The following NSMCE1 variants were observed in gnomAD, a reference collection of about 807,000 sequenced individuals.
NSMCE1 encodes NSE1 component of SMC5/6 complex.
A neutral mutation model predicts 29.6 loss-of-function variants in NSMCE1; 18 were observed. The ratio of observed to expected loss-of-function variants is 0.61; its 90% CI spans 0.42 to 0.90. The LOEUF (loss-of-function observed/expected upper bound fraction) is 0.90, where lower values mean the gene tolerates loss of function less well. Ranked by LOEUF, NSMCE1 falls within the 40% of genes least tolerant of loss-of-function variation. NSMCE1 has a pLI of 0.00. For synonymous variants in NSMCE1, 124 were observed against 133.4 expected (o/e 0.93, Z 0.49); for missense variants, 314 against 343.6 (o/e 0.91, Z 0.68).
intron 5 of NSMCE1, among the ~76,000 whole-genome samples, chr16:27,231,317 A>C (rs1370444710): frequency 4.6e-5 from 7 of 152,222 alleles, no homozygotes; most frequent in African/African-American, 1.7e-4. Flanking sequence ...CCAGCCATGA[A>C]GAGGTCATAA....
chr16:27,231,090 C>T (rs2083757858), intron 5 of NSMCE1, among the ~76,000 whole-genome samples: 1 of 152,254 alleles, frequency 6.6e-6, no homozygotes, highest in Admixed American at 6.5e-5. Flanking sequence ...TGTTGGGGCA[C>T]TCGGCTCTAG....
chr16:27,237,522 C>A (rs2083839235), intron 2 of NSMCE1, among the ~76,000 whole-genome samples: 1 of 152,210 alleles, frequency 6.6e-6, no homozygotes, highest in Non-Finnish European at 1.5e-5. Flanking sequence ...CCAAGGGGAG[C>A]CAACGCTGGG....
At chr16:27,241,213 A>C (rs948966337) in intron 2 of NSMCE1, 2 of 152,244 alleles carry the variant, frequency 1.3e-5, no homozygotes, top group African/African-American at 2.4e-5. Flanking sequence ...GAAATTGGGA[A>C]GTCTACTGCC....
chr16:27,258,930 T>C (rs1339245297), intron 1 of NSMCE1, among the ~76,000 whole-genome samples: 1 of 151,970 alleles, frequency 6.6e-6, no homozygotes, highest in Non-Finnish European at 1.5e-5. Context: ...TTCGTATTTT[T>C]AGTAGAGACG....
chr16:27,228,876 G>A (rs1373425903), intron 5 of NSMCE1, among the ~76,000 whole-genome samples: 29 of 73,912 alleles, frequency 3.9e-4, no homozygotes, highest in Non-Finnish European at 6.9e-4. Context: ...CCCGGCCACC[G>A]CCCTCTTCCA....
Position 27,268,747 on chromosome 16 carries a change from G to A in NSMCE1, c.-53C>T, listed in dbSNP as rs1218807196. 1 of 152,844 alleles carries A rather than the reference G, an allele frequency of 6.5e-6. No individual in the cohort carries two copies. Among genetic ancestry groups the A allele is most frequent in the Non-Finnish European group, 1.5e-5 (1 of 68,128 alleles). The allele number at this position is 152,844 out of a possible 1,614,324, so 9.5% of individuals were successfully genotyped here. A position where few individuals can be genotyped will look rare whatever the true frequency, so the allele number is the denominator to read the frequency against. On this transcript the variant is annotated 5_prime_UTR_variant, in exon 1 of 8. Transcript: ENST00000361439. ...ATCCCAGGCCGCGCTAGCGGATACG[G>A]TCGCAAGGTGGACTCTTCTTCCTTT...
chr16:27,240,590 G>A (rs1258110352), intron 2 of NSMCE1, among the ~76,000 whole-genome samples: 8 of 152,166 alleles, frequency 5.3e-5, no homozygotes, highest in South Asian at 2.1e-4. Flanking sequence ...ACCCTGGAGC[G>A]AACAGAGCCA....
chr16:27,225,712 C>G lies in NSMCE1; in HGVS notation c.721+14G>C, dbSNP rs753239544. On this transcript the variant is annotated intron_variant, in intron 7 of 7. Coordinates refer to ENST00000361439, the MANE Select transcript of NSMCE1 (RefSeq NM_145080.4). The stretch of plus-strand genomic sequence containing the variant: ...GGCCCAGCCCCTCCCATGAGCTCCT[C>G]AGGGCCCACGCACTTGGGATCTCGT... The G allele has an allele frequency of 6.2e-6, 10 of 1,613,980 alleles. No individual in the cohort carries two copies. Among genetic ancestry groups the G allele is most frequent in the Non-Finnish European group, 8.5e-6 (10 of 1,179,980 alleles).
chr16:27,237,102 T>G (rs2083834004), intron 2 of NSMCE1, among the ~76,000 whole-genome samples: 1 of 152,226 alleles, frequency 6.6e-6, no homozygotes, highest in Non-Finnish European at 1.5e-5. Context: ...GCAGTGACAC[T>G]AATGTGCCAT....
At chr16:27,263,051 T>A (rs1450752988) in intron 1 of NSMCE1, among the ~76,000 whole-genome samples, 1 of 152,172 alleles carries the variant, frequency 6.6e-6, no homozygotes, top group Non-Finnish European at 1.5e-5. Context: ...AAATAACAGA[T>A]GCTGGCAAGG....
chr16:27,226,538 C>T (rs968682714), intron 6 of NSMCE1, 182 bp downstream of exon 6: 11 of 561,118 alleles, frequency 2.0e-5, no homozygotes, highest in African/African-American at 1.1e-4. Context: ...TGCGTCCCTG[C>T]GGGGCACAGC....
chr16:27,232,981 G>T lies in NSMCE1; in HGVS notation c.483+20C>A. ...TCACTTGAAAAAGTGAACCAGGCTG[G>T]AAAAACCATGAGACAGTACCTCAAT... is the stretch of plus-strand genomic sequence containing the variant. On this transcript the variant is annotated intron_variant, in intron 5 of 7. Coordinates refer to ENST00000361439, the MANE Select transcript of NSMCE1 (RefSeq NM_145080.4). This position sits in a 1 kb window ranked among gnomAD's most constrained non-coding sequence, Gnocchi z 4.5. 1 of 1,605,896 alleles carries T rather than the reference G, an allele frequency of 6.2e-7. No homozygotes were observed. Among genetic ancestry groups the T allele is most frequent in the Middle Eastern group, 1.7e-4 (1 of 6,026 alleles).
intron 1 of NSMCE1, among the ~76,000 whole-genome samples, chr16:27,264,902 C>T (rs919627279): frequency 5.3e-5 from 8 of 152,016 alleles, no homozygotes; most frequent in Admixed American, 5.2e-4. Flanking sequence ...CATATTCAGA[C>T]TATATAAGGA....
intron 1 of NSMCE1, among the ~76,000 whole-genome samples, chr16:27,261,082 G>A (rs773419359): frequency 2.5e-4 from 38 of 149,350 alleles, no homozygotes; most frequent in African/African-American, 7.4e-4. Flanking sequence ...CATGAGAATC[G>A]CTGGAACATG....
intron 2 of NSMCE1, among the ~76,000 whole-genome samples, chr16:27,236,267 G>A (rs541047584): frequency 1.1e-4 from 16 of 151,076 alleles, no homozygotes; most frequent in African/African-American, 2.4e-4. Context: ...CATGGCCAGC[G>A]TTGTGTCCCT....
At chr16:27,236,530 C>T (rs1010478438) in intron 2 of NSMCE1, among the ~76,000 whole-genome samples, 1 of 152,144 alleles carries the variant, frequency 6.6e-6, no homozygotes, top group Non-Finnish European at 1.5e-5. Context: ...CTCCTGACCT[C>T]AAGTGTTCCG....
At chr16:27,252,042 AG>A (rs552444542) in intron 2 of NSMCE1, among the ~76,000 whole-genome samples, 67 of 152,310 alleles carry the variant, frequency 4.4e-4, no homozygotes, top group African/African-American at 1.5e-3. Context: ...GAGCTGGGGC[AG>A]CTGTACTGCT....
At chr16:27,264,617 A>G (rs1194411367) in intron 1 of NSMCE1, among the ~76,000 whole-genome samples, 1 of 152,200 alleles carries the variant, frequency 6.6e-6, no homozygotes, top group Non-Finnish European at 1.5e-5. Flanking sequence ...ACCTCATACT[A>G]TATACAAACA....
At chr16:27,256,073 C>CT (rs1437061879) in intron 2 of NSMCE1, among the ~76,000 whole-genome samples, 2 of 152,018 alleles carry the variant, frequency 1.3e-5, no homozygotes, top group African/African-American at 2.4e-5. Context: ...ATCTTTTTGC[C>CT]TTTTTTTTGT....
Sources: gnomAD v4.1 joint callset for allele counts (sites outside exome capture counted in the v4.1 genomes callset) on GRCh38, gnomAD v4.1.1 for gene constraint, Gnocchi (gnomAD v3.1) non-coding constraint, MANE v1.5 for transcripts, NCBI Gene and HGNC (gene_info 2026-07-23, HGNC 2026-07-21) for gene names.